GABRB2: variants seen among roughly 807,000 people sequenced by gnomAD.
GABRB2 encodes the protein gamma-aminobutyric acid type A receptor subunit beta2, also known as gamma-aminobutyric acid receptor subunit beta-2.
GABRB2 carries 16 observed loss-of-function variants against 54.7 expected under a neutral mutation model. The ratio of observed to expected loss-of-function variants is 0.29; its 90% CI spans 0.20 to 0.44. The LOEUF is 0.44. Ranked by LOEUF, GABRB2 falls within the 20% of genes least tolerant of loss-of-function variation. The pLI is 1.00. For missense variants in GABRB2, 355 were observed against 644.0 expected (o/e 0.55, Z 4.86); for synonymous variants, 244 against 233.8 (o/e 1.04, Z -0.40).
intron 3 of GABRB2, among the ~76,000 whole-genome samples, chr5:161,501,185 A>T (rs912877795): frequency 6.6e-6 from 1 of 152,140 alleles, no homozygotes; most frequent in South Asian, 2.1e-4. Context: ...TTATAAAACT[A>T]TCTAGAAATC....
At chr5:161,521,717 CAGAGT>C (rs761758089) in intron 3 of GABRB2, among the ~76,000 whole-genome samples, 3 of 151,820 alleles carry the variant, frequency 2.0e-5, no homozygotes, top group African/African-American at 4.8e-5. Context: ...ACTGGTAAAA[CAGAGT>C]AAAGTTCAGA....
Position 161,459,619 on chromosome 5 carries a change from C to G in GABRB2, c.458+5G>C. The G allele has an allele frequency of 6.2e-7, 1 of 1,611,230 alleles. No individual in the cohort carries two copies. The highest frequency in any genetic ancestry group is 1.1e-5 in the South Asian group (1 of 90,984). ...AAGTTATATTTTGAATTGGGGACAA[C>G]AGACCTGAGTCCATAAAGGACGGTG... is the stretch of plus-strand genomic sequence containing the variant. On this transcript the variant is annotated splice_donor_5th_base_variant and intron_variant, in intron 4 of 9. Transcript: ENST00000393959.
intron 4 of GABRB2, among the ~76,000 whole-genome samples, chr5:161,411,821 T>C (rs748092021): frequency 3.9e-4 from 60 of 152,118 alleles, no homozygotes; most frequent in Non-Finnish European, 6.8e-4. Flanking sequence ...AGTTTATATA[T>C]ATATATATAT....
intron 3 of GABRB2, among the ~76,000 whole-genome samples, chr5:161,460,302 A>G (rs942959321): frequency 2.4e-4 from 36 of 147,356 alleles, no homozygotes; most frequent in African/African-American, 5.1e-4. Flanking sequence ...GTGTGTGTGT[A>G]TGTATGGCCA....
intron 5 of GABRB2, among the ~76,000 whole-genome samples, chr5:161,367,248 A>G (rs935832897): frequency 6.6e-6 from 1 of 152,232 alleles, no homozygotes; most frequent in East Asian, 1.9e-4. Context: ...TCAAATTGTC[A>G]TGAAGGAAAT....
intron 4 of GABRB2, 33 bp from the exon 5 acceptor site, chr5:161,411,090 A>G: frequency 6.6e-7 from 1 of 1,510,572 alleles, no homozygotes. Context: ...GAGTGTTGTT[A>G]GCAGGTCTAA....
intron 5 of GABRB2, among the ~76,000 whole-genome samples, chr5:161,341,949 A>G: frequency 1.5e-5 from 1 of 67,370 alleles, no homozygotes. Context: ...ATATATATAT[A>G]TATATATATA....
chr5:161,350,085 C>T (rs1754429847), intron 5 of GABRB2, among the ~76,000 whole-genome samples: 1 of 152,030 alleles, frequency 6.6e-6, no homozygotes, highest in African/African-American at 2.4e-5. Context: ...CTGTCAATGA[C>T]AAATCCACAG....
intron 9 of GABRB2, among the ~76,000 whole-genome samples, chr5:161,318,469 G>C (rs1464148539): frequency 2.0e-5 from 3 of 151,808 alleles, no homozygotes; most frequent in Non-Finnish European, 4.4e-5. Flanking sequence ...ACTGTTTATT[G>C]AATAATTCAC....
chr5:161,395,354 A>G (rs1344288895), intron 5 of GABRB2, among the ~76,000 whole-genome samples: 5 of 152,144 alleles, frequency 3.3e-5, no homozygotes, highest in African/African-American at 1.2e-4. Flanking sequence ...GTAAATGATT[A>G]ACAAACATGA....
intron 9 of GABRB2, among the ~76,000 whole-genome samples, chr5:161,306,870 T>C (rs1757704938): frequency 6.6e-6 from 1 of 152,076 alleles, no homozygotes. Flanking sequence ...AATAACTCAG[T>C]GTATGCTGGT....
At chr5:161,538,710 G>C (rs1760720460) in intron 3 of GABRB2, among the ~76,000 whole-genome samples, 1 of 152,106 alleles carries the variant, frequency 6.6e-6, no homozygotes, top group South Asian at 2.1e-4. Context: ...TGTAGTCCCA[G>C]CTACTCGGGA....
chr5:161,311,091 C>T (rs1007677220), intron 9 of GABRB2, among the ~76,000 whole-genome samples: 9 of 152,116 alleles, frequency 5.9e-5, no homozygotes, highest in African/African-American at 1.7e-4. Context: ...CAAAAATGCC[C>T]TCATGTAAGT....
Position 161,294,223 on chromosome 5 carries a change from C to T in GABRB2, c.1397G>A (p.Arg466His), listed in dbSNP as rs772293871. 17 of 1,613,988 alleles carry T rather than the reference C, an allele frequency of 1.1e-5. No individual in the cohort carries two copies. The highest frequency in any genetic ancestry group is 6.7e-5 in the East Asian group (3 of 44,888). ...LERHVAQKKSRLRRRASQLKI... is the reference protein window; with the variant it reads ...LERHVAQKKSHLRRRASQLKI... ...CAGTTGGGAGGCGCGTCTCCTCAGG[C>T]GACTTTTCTTTTGCGCCACATGTCG... The change falls in exon 10 of 10, where the codon CGC becomes CAC. Residue 466 changes from arginine to histidine, a missense_variant. Coordinates refer to ENST00000393959, the MANE Select transcript of GABRB2 (RefSeq NM_001371727.1).
intron 9 of GABRB2, among the ~76,000 whole-genome samples, chr5:161,304,190 C>T (rs914298466): frequency 1.4e-4 from 22 of 152,182 alleles, no homozygotes; most frequent in African/African-American, 5.1e-4. Context: ...AAAAGCCCTT[C>T]TGAAGGACAT....
At position 161,308,642 on chromosome 5, in the gene GABRB2, A is replaced by G. The variant is rs140349629; in HGVS notation, c.1192-14214T>C. ...GTAGGGCTACAGTAATCAAAACAGCATGGTACTGGTACAAGAACAGACACA... is the reference window on the plus strand; with the variant it reads ...GTAGGGCTACAGTAATCAAAACAGCGTGGTACTGGTACAAGAACAGACACA... On this transcript the variant is annotated intron_variant, in intron 9 of 9. Transcript: ENST00000393959. 5.9e-3 allele frequency among the ~76,000 whole-genome samples: 905 copies of G among 152,340 alleles called. 9 individuals carry two copies. Among genetic ancestry groups the G allele is most frequent in the African/African-American group, 0.021 (858 of 41,586 alleles).
At chr5:161,537,697 A>G (rs1222304756) in intron 3 of GABRB2, among the ~76,000 whole-genome samples, 3 of 152,164 alleles carry the variant, frequency 2.0e-5, no homozygotes, top group Non-Finnish European at 4.4e-5. Context: ...CTTCAGAACC[A>G]TCTTCGATAG....
chr5:161,467,896 G>C (rs534574797), intron 3 of GABRB2, among the ~76,000 whole-genome samples: 4 of 152,014 alleles, frequency 2.6e-5, no homozygotes. Context: ...TGCCTCTTAC[G>C]TGGTATAAAT....
chr5:161,497,072 T>C (rs1404243025), intron 3 of GABRB2, among the ~76,000 whole-genome samples: 2 of 152,164 alleles, frequency 1.3e-5, no homozygotes, highest in African/African-American at 4.8e-5. Context: ...TTAGAAGTTT[T>C]GTATTTTAGG....
Sources: allele counts gnomAD v4.1 joint callset (sites outside exome capture counted in the v4.1 genomes callset), GRCh38; gene constraint gnomAD v4.1.1; transcripts MANE v1.5; gene names NCBI Gene and HGNC (gene_info 2026-07-23, HGNC 2026-07-21).